Variants in PPP2R3A observed in about 807,000 individuals in gnomAD.
PPP2R3A encodes serine/threonine-protein phosphatase 2A regulatory subunit B'' subunit alpha.
A neutral mutation model predicts 106.9 loss-of-function variants in PPP2R3A; 80 were observed. The ratio of observed to expected loss-of-function variants is 0.75; its 90% CI spans 0.62 to 0.90. The LOEUF (loss-of-function observed/expected upper bound fraction) is 0.90. PPP2R3A is among the 40% of genes least tolerant of loss of function. The probability of loss-of-function intolerance (pLI) is 0.00; values close to 1 mark genes in which losing one functional copy is unlikely to be tolerated. For synonymous variants in PPP2R3A, 483 were observed against 468.3 expected (o/e 1.03, Z -0.41); for missense variants, 1,386 against 1,350.4 (o/e 1.03, Z -0.41).
intron 7 of PPP2R3A, among the ~76,000 whole-genome samples, chr3:136,079,715 A>AT (rs1936720976): frequency 6.9e-6 from 1 of 145,236 alleles, no homozygotes; most frequent in South Asian, 2.2e-4. Context: ...CCTAATCCAT[A>AT]TTTTTTCTTT....
chr3:136,014,338 T>C (rs1290398080), intron 2 of PPP2R3A, among the ~76,000 whole-genome samples: 3 of 152,182 alleles, frequency 2.0e-5, no homozygotes, highest in African/African-American at 7.2e-5. Flanking sequence ...GGATTGTTTT[T>C]TCTAGTTTTG....
At chr3:135,977,010 A>G (rs942756015) in intron 1 of PPP2R3A, among the ~76,000 whole-genome samples, 6 of 152,116 alleles carry the variant, frequency 3.9e-5, no homozygotes, top group Non-Finnish European at 8.8e-5. Flanking sequence ...CTACACCATT[A>G]ATACATTTCA....
chr3:136,139,467 G>C (rs148761094), intron 13 of PPP2R3A, among the ~76,000 whole-genome samples: 87 of 151,970 alleles, frequency 5.7e-4, no homozygotes, highest in African/African-American at 2.0e-3. Flanking sequence ...AGGCCGAGGG[G>C]GGGGATCATG....
chr3:136,143,186 C>A (rs902007772), intron 13 of PPP2R3A, among the ~76,000 whole-genome samples: 1 of 152,224 alleles, frequency 6.6e-6, no homozygotes, highest in Non-Finnish European at 1.5e-5. Context: ...CCTCTAACCT[C>A]TATTCAAAAA....
intron 9 of PPP2R3A, among the ~76,000 whole-genome samples, chr3:136,088,525 C>T (rs895872867): frequency 3.9e-5 from 6 of 152,098 alleles, no homozygotes; most frequent in African/African-American, 1.4e-4. Flanking sequence ...GATTCCATGT[C>T]TTTGCTATTG....
In PPP2R3A at chr3:136,126,960, T is replaced by G. The variant is rs146915941; in HGVS notation, c.3330-18083T>G. The stretch of plus-strand genomic sequence containing the variant: ...AGGAAAACTAACAAACAGAAAGGAA[T>G]AGCATCAACATCAACAAAAAGGTCA... On this transcript the variant is annotated intron_variant, in intron 13 of 13. Coordinates refer to ENST00000264977, the MANE Select transcript of PPP2R3A (RefSeq NM_002718.5). 7.8e-3 allele frequency among the ~76,000 whole-genome samples: 1,194 copies of G among 152,162 alleles called. 22 individuals carry two copies. Among genetic ancestry groups the G allele is most frequent in the African/African-American group, 0.026 (1,092 of 41,552 alleles).
intron 5 of PPP2R3A, among the ~76,000 whole-genome samples, chr3:136,054,621 G>A (rs926893422): frequency 1.3e-5 from 2 of 152,086 alleles, no homozygotes; most frequent in African/African-American, 4.8e-5. Context: ...GAATTAACAT[G>A]CATTTAAAAA....
intron 13 of PPP2R3A, among the ~76,000 whole-genome samples, chr3:136,127,401 G>A (rs2108010562): frequency 6.6e-6 from 1 of 152,318 alleles, no homozygotes; most frequent in South Asian, 2.1e-4. Flanking sequence ...TCAGGTGGAA[G>A]AAAGGGTATC....
intron 5 of PPP2R3A, among the ~76,000 whole-genome samples, chr3:136,066,449 A>T (rs187844950): frequency 1.3e-5 from 2 of 152,206 alleles, no homozygotes; most frequent in Non-Finnish European, 2.9e-5. Flanking sequence ...GATTGTTTTA[A>T]TATTAGGATA....
intron 10 of PPP2R3A, among the ~76,000 whole-genome samples, chr3:136,098,127 A>G (rs944493691): frequency 2.0e-5 from 3 of 152,212 alleles, no homozygotes; most frequent in African/African-American, 7.2e-5. Context: ...ACTCTGGGCA[A>G]CATAGGAAGA....
rs571549207 is a variant in PPP2R3A at position 136,118,381 on chromosome 3, A to C, written c.3329+12059A>C. 2.0e-5 allele frequency among the ~76,000 whole-genome samples: 3 copies of C among 152,350 alleles called. No individual in the cohort carries two copies. In the South Asian group the frequency reaches 6.2e-4, roughly 32 times the overall value. ...AGTATTTGAAGTTCTGCCCAGGGCA[A>C]TCAGGCAACAGAAAGAAATAAATGG... On this transcript the variant is annotated intron_variant, in intron 13 of 13. Coordinates refer to ENST00000264977, the MANE Select transcript of PPP2R3A (RefSeq NM_002718.5).
At chr3:136,093,344 G>A (rs1937138229) in intron 10 of PPP2R3A, among the ~76,000 whole-genome samples, 1 of 152,202 alleles carries the variant, frequency 6.6e-6, no homozygotes, top group African/African-American at 2.4e-5. Flanking sequence ...GGGAGGCAGA[G>A]GTTGCAGTGA....
chr3:136,101,772 C>T (rs926697448), intron 10 of PPP2R3A, among the ~76,000 whole-genome samples: 4 of 151,840 alleles, frequency 2.6e-5, no homozygotes, highest in East Asian at 1.9e-4. Context: ...GCGATATAGA[C>T]GTGTTATCTG....
intron 2 of PPP2R3A, chr3:136,022,713 T>A (rs1934507357): frequency 2.7e-5 from 27 of 1,000,462 alleles, no homozygotes; most frequent in Non-Finnish European, 3.1e-5. Flanking sequence ...CTAACTTTGG[T>A]ACACAGAGTA....
intron 4 of PPP2R3A, among the ~76,000 whole-genome samples, chr3:136,045,461 C>T (rs1248527374): frequency 6.6e-6 from 1 of 152,194 alleles, no homozygotes; most frequent in African/African-American, 2.4e-5. Context: ...AATGGGCTGG[C>T]ACAGGAACTG....
intron 1 of PPP2R3A, among the ~76,000 whole-genome samples, chr3:136,000,075 C>T (rs551039378): frequency 9.8e-5 from 15 of 152,302 alleles, no homozygotes; most frequent in Non-Finnish European, 1.5e-5. Flanking sequence ...TCCTTGGCCT[C>T]CTTCCTCTAG....
At chr3:136,071,503 A>G (rs1156587334) in intron 6 of PPP2R3A, among the ~76,000 whole-genome samples, 1 of 152,178 alleles carries the variant, frequency 6.6e-6, no homozygotes, top group Non-Finnish European at 1.5e-5. Flanking sequence ...GTTAACCGTG[A>G]CACTCTACTA....
chr3:136,050,871 G>A (rs758551850), intron 5 of PPP2R3A, among the ~76,000 whole-genome samples: 14 of 152,266 alleles, frequency 9.2e-5, no homozygotes, highest in Admixed American at 2.0e-4. Flanking sequence ...GAGAAGAGAA[G>A]TGACCTCAAA....
At chr3:136,011,386 GA>G (rs1486022758) in intron 2 of PPP2R3A, among the ~76,000 whole-genome samples, 2 of 152,006 alleles carry the variant, frequency 1.3e-5, no homozygotes, top group Non-Finnish European at 2.9e-5. Context: ...GTGTTCAATT[GA>G]TATTTGTTAG....
Sources: gnomAD v4.1 joint callset for allele counts (sites outside exome capture counted in the v4.1 genomes callset) on GRCh38, gnomAD v4.1.1 for gene constraint, MANE v1.5 for transcripts, NCBI Gene and HGNC (gene_info 2026-07-23, HGNC 2026-07-21) for gene names.